The following ABI1 variants were observed in gnomAD, a reference collection of about 807,000 sequenced individuals.
ABI1 encodes abl interactor 1, also known as Abelson interactor 1.
In ABI1, 14 loss-of-function variants were observed where a neutral mutation model predicts 54.6. The observed-to-expected ratio is 0.26, with a 90% CI of 0.17 to 0.40. The LOEUF is 0.40. ABI1 is among the 10% of genes least tolerant of loss of function. The pLI, the probability that ABI1 is intolerant of heterozygous loss-of-function variation, is 1.00. For synonymous variants in ABI1, 194 were observed against 209.3 expected, an observed-to-expected ratio of 0.93 and a Z score of 0.63; for missense variants, 443 against 598.3, an observed-to-expected ratio of 0.74 and a Z score of 2.71.
intron 1 of ABI1, among the ~76,000 whole-genome samples, chr10:26,859,704 T>C (rs2051138448): frequency 6.6e-6 from 1 of 152,222 alleles, no homozygotes; most frequent in African/African-American, 2.4e-5. Context: ...CAGATATTTT[T>C]ACGTTGTAGT....
intron 1 of ABI1, among the ~76,000 whole-genome samples, chr10:26,836,529 G>A (rs912095876): frequency 6.6e-5 from 10 of 152,174 alleles, no homozygotes; most frequent in African/African-American, 1.9e-4. Flanking sequence ...TGAGAAGATA[G>A]GCATGTAAAT....
chr10:26,853,788 C>T (rs930722469), intron 1 of ABI1, among the ~76,000 whole-genome samples: 2 of 151,994 alleles, frequency 1.3e-5, no homozygotes, highest in Admixed American at 6.6e-5. Flanking sequence ...ATGATCCGCC[C>T]GCCTCATCCT....
intron 2 of ABI1, among the ~76,000 whole-genome samples, chr10:26,789,619 T>C (rs1294465484): frequency 6.6e-6 from 1 of 151,666 alleles, no homozygotes; most frequent in Non-Finnish European, 1.5e-5. Context: ...ATTAATATTT[T>C]ATGTTTTTTT....
intron 2 of ABI1, among the ~76,000 whole-genome samples, chr10:26,808,071 G>A (rs958677490): frequency 1.3e-5 from 2 of 152,144 alleles, no homozygotes; most frequent in Admixed American, 6.5e-5. Flanking sequence ...CAGCCTGGGC[G>A]TCACGAGACT....
chr10:26,800,660 G>A (rs983821989), intron 2 of ABI1, among the ~76,000 whole-genome samples: 4 of 152,152 alleles, frequency 2.6e-5, no homozygotes, highest in African/African-American at 9.7e-5. Context: ...GAGCCCAGGA[G>A]GTGGAGGATG....
chr10:26,763,274 T>C (rs1263456275), intron 7 of ABI1, among the ~76,000 whole-genome samples: 1 of 152,218 alleles, frequency 6.6e-6, no homozygotes, highest in African/African-American at 2.4e-5. Context: ...TGATTGTGTA[T>C]TTCTAGACTC....
chr10:26,761,644 A>ATATATATATATATATT (rs1839204177), intron 7 of ABI1, among the ~76,000 whole-genome samples: 2 of 119,406 alleles, frequency 1.7e-5, no homozygotes, highest in African/African-American at 6.7e-5. Context: ...ATATATATAT[A>ATATATATATATATATT]TATATATATA....
At chr10:26,791,286 A>T (rs939145301) in intron 2 of ABI1, among the ~76,000 whole-genome samples, 1 of 152,136 alleles carries the variant, frequency 6.6e-6, no homozygotes, top group Non-Finnish European at 1.5e-5. Flanking sequence ...ATTATATTTT[A>T]CTTCAAGTTA....
chr10:26,800,555 A>T (rs1347293555), intron 2 of ABI1, among the ~76,000 whole-genome samples: 1 of 152,024 alleles, frequency 6.6e-6, no homozygotes, highest in African/African-American at 2.4e-5. Context: ...AGGTGGGAGG[A>T]TGGTTGAACC....
intron 5 of ABI1, among the ~76,000 whole-genome samples, chr10:26,769,288 A>C (rs1218510900): frequency 6.6e-6 from 1 of 152,182 alleles, no homozygotes; most frequent in Non-Finnish European, 1.5e-5. Context: ...ATAATAGCAA[A>C]CTTTAAAATG....
intron 1 of ABI1, among the ~76,000 whole-genome samples, chr10:26,854,148 A>G (rs1401948758): frequency 3.3e-5 from 5 of 152,164 alleles, no homozygotes; most frequent in African/African-American, 1.2e-4. Flanking sequence ...AAAAATTTGC[A>G]AGTATCCTAA....
intron 1 of ABI1, among the ~76,000 whole-genome samples, chr10:26,831,251 CA>C (rs1326003204): frequency 6.6e-6 from 1 of 150,876 alleles, no homozygotes; most frequent in African/African-American, 2.4e-5. Context: ...AAAAAAAATA[CA>C]AAACATGTGG....
intron 1 of ABI1, among the ~76,000 whole-genome samples, chr10:26,824,983 G>C (rs866662804): frequency 1.3e-5 from 2 of 152,176 alleles, no homozygotes; most frequent in South Asian, 4.1e-4. Flanking sequence ...GCTTAAAACA[G>C]AATGCTAACC....
intron 4 of ABI1, 71 bp from the exon 5 acceptor site, chr10:26,770,416 A>G: frequency 7.4e-7 from 1 of 1,347,654 alleles, no homozygotes; most frequent in African/African-American, 1.4e-5. Flanking sequence ...ACCATGTATT[A>G]TTTTTTTTAA....
Position 26,748,485 on chromosome 10 carries a change from A to G in ABI1, c.*85T>C. On this transcript the variant is annotated 3_prime_UTR_variant, in exon 11 of 11. Transcript: ENST00000376140. The stretch of plus-strand genomic sequence containing the variant: ...GTTCTGAAAATATGGGCACATTTTA[A>G]AACATATTAAGACAGTTCTGTTAAC... 1 of 1,020,614 alleles carries G rather than the reference A, an allele frequency of 9.8e-7. No homozygotes were observed. The highest frequency in any genetic ancestry group is 1.4e-6 in the Non-Finnish European group (1 of 728,292). The allele number at this position is 1,020,614 out of a possible 1,614,324, so 63.2% of individuals were successfully genotyped here. A position where few individuals can be genotyped will look rare whatever the true frequency, so the allele number is the denominator to read the frequency against.
chr10:26,764,451 A>T (rs906526327), intron 7 of ABI1, among the ~76,000 whole-genome samples: 6 of 152,226 alleles, frequency 3.9e-5, no homozygotes, highest in Non-Finnish European at 8.8e-5. Context: ...AAATAAGCAA[A>T]CACCAGAGTA....
intron 2 of ABI1, among the ~76,000 whole-genome samples, chr10:26,801,732 C>T (rs7094982): frequency 6.6e-6 from 1 of 152,174 alleles, no homozygotes; most frequent in African/African-American, 2.4e-5. Flanking sequence ...GTAAAGAATT[C>T]TAATGGCCCT....
intron 2 of ABI1, among the ~76,000 whole-genome samples, chr10:26,806,949 C>T (rs771069894): frequency 6.6e-6 from 1 of 152,202 alleles, no homozygotes. Flanking sequence ...ATTTGTCCAA[C>T]ATGCATGTAA....
At chr10:26,823,627 G>C (rs965870666) in intron 1 of ABI1, among the ~76,000 whole-genome samples, 2 of 152,112 alleles carry the variant, frequency 1.3e-5, no homozygotes, top group Admixed American at 1.3e-4. Context: ...TACATCATAA[G>C]GACTTTACTG....
Sources: gnomAD v4.1 joint callset for allele counts (sites outside exome capture counted in the v4.1 genomes callset) on GRCh38, gnomAD v4.1.1 for gene constraint, MANE v1.5 for transcripts, NCBI Gene and HGNC (gene_info 2026-07-23, HGNC 2026-07-21) for gene names.